PIK3R3: variants seen among roughly 807,000 people sequenced by gnomAD.
The protein encoded by PIK3R3 is phosphatidylinositol 3-kinase regulatory subunit gamma.
Under a neutral mutation model 62.9 loss-of-function variants are expected in PIK3R3, and 64 were observed. That is an observed-to-expected ratio of 1.02 (90% confidence interval 0.83 to 1.25). The LOEUF (loss-of-function observed/expected upper bound fraction) is 1.25. PIK3R3 is among the 50% of genes most tolerant of loss of function. The pLI, the probability that PIK3R3 is intolerant of heterozygous loss-of-function variation, is 0.00. For synonymous variants in PIK3R3, 165 were observed against 189.0 expected, an observed-to-expected ratio of 0.87 and a Z score of 1.04; for missense variants, 614 against 561.6, an observed-to-expected ratio of 1.09 and a Z score of -0.94.
chr1:46,089,344 C>T (rs1484658603), intron 1 of PIK3R3, among the ~76,000 whole-genome samples: 1 of 152,084 alleles, frequency 6.6e-6, no homozygotes, highest in Non-Finnish European at 1.5e-5. Flanking sequence ...TGATGTTTAA[C>T]CATACTGTGA....
the PIK3R3 span, among the ~76,000 whole-genome samples, chr1:46,166,396 T>C: frequency 5.3e-5 from 8 of 151,934 alleles, no homozygotes; most frequent in Non-Finnish European, 4.4e-5. Flanking sequence ...CTAATTTTTG[T>C]ATTTTTAGTA....
At position 46,092,415 on chromosome 1, in the gene PIK3R3, G is replaced by A. The variant is rs1651722213; in HGVS notation, c.107-11665C>T. Among the ~76,000 whole-genome samples, 4 of 152,210 alleles carry A rather than the reference G, an allele frequency of 2.6e-5. No individual in the cohort carries two copies. The South Asian group carries it at 8.3e-4, about 32-fold the overall frequency. ...GTCTCGCTCTGTCGCCCAGGCTGGA[G>A]TGCAGTGGTGCTATCTCGACTCACT... is the stretch of plus-strand genomic sequence containing the variant. On this transcript the variant is annotated intron_variant, in intron 1 of 9. Coordinates refer to ENST00000262741, the MANE Select transcript of PIK3R3 (RefSeq NM_003629.4).
Position 46,044,039 on chromosome 1 carries a change from C to A in PIK3R3, c.1188-168G>T, listed in dbSNP as rs942404068. ...TTCCCTACAGACTTGGCCACAGATACGGGTGTTAAAACAACCACAAATGTA... is the reference window on the plus strand; with the variant it reads ...TTCCCTACAGACTTGGCCACAGATAAGGGTGTTAAAACAACCACAAATGTA... On this transcript the variant is annotated intron_variant, in intron 9 of 9. Coordinates refer to ENST00000262741, the MANE Select transcript of PIK3R3 (RefSeq NM_003629.4). This position sits in a 1 kb window ranked among gnomAD's most constrained non-coding sequence, Gnocchi z 4.2. Among the ~76,000 whole-genome samples, 1 of 151,908 alleles carries A rather than the reference C, an allele frequency of 6.6e-6. No individual in the cohort carries two copies. Among genetic ancestry groups the A allele is most frequent in the East Asian group, 1.9e-4 (1 of 5,188 alleles).
chr1:46,055,873 T>C lies in PIK3R3; in HGVS notation c.863A>G (p.Asn288Ser), dbSNP rs1412350766. 2 of 1,611,570 alleles carry C rather than the reference T, an allele frequency of 1.2e-6. No individual in the cohort carries two copies. The highest frequency in any genetic ancestry group is 3.4e-5 in the Admixed American group (2 of 59,674). ...EQDLKNQALD[N>S]REIDKKMNSI... ...ATTCATTTTTTTATCTATTTCTCGG[T>C]TGTCCAAAGCTTGATTCTTCAAATC... The change falls in exon 7 of 10, where the codon AAC becomes AGC. Residue 288 changes from asparagine (N) to serine (S), a missense_variant. By Grantham distance (46) the Asn-to-Ser change is conservative. Transcript: ENST00000262741.
chr1:46,126,500 T>C (rs1437160137), intron 1 of PIK3R3, among the ~76,000 whole-genome samples: 2 of 149,772 alleles, frequency 1.3e-5, no homozygotes, highest in Admixed American at 6.7e-5. Flanking sequence ...ATCACGCCAC[T>C]GCACTCCACT....
At chr1:46,148,615 A>G in the PIK3R3 span, among the ~76,000 whole-genome samples, 8 of 152,180 alleles carry the variant, frequency 5.3e-5, no homozygotes, top group Non-Finnish European at 1.2e-4. Context: ...AGCAGAGTGC[A>G]GGGATCAGTT....
At chr1:46,141,149 TG>T in the PIK3R3 span, among the ~76,000 whole-genome samples, 9 of 146,684 alleles carry the variant, frequency 6.1e-5, no homozygotes, top group African/African-American at 2.3e-4. Context: ...CGTGAGCCAC[TG>T]CACCTGGCCG....
intron 6 of PIK3R3, among the ~76,000 whole-genome samples, chr1:46,059,343 T>G (rs768352520): frequency 2.2e-4 from 33 of 152,246 alleles, no homozygotes; most frequent in Non-Finnish European, 2.9e-5. Context: ...TGGGTTTTTC[T>G]GTTAATTAAA....
chr1:46,111,433 G>A (rs940031131), intron 1 of PIK3R3, among the ~76,000 whole-genome samples: 1 of 151,932 alleles, frequency 6.6e-6, no homozygotes, highest in Non-Finnish European at 1.5e-5. Context: ...AATTAGAAAA[G>A]GGCATGTTTT....
intron 1 of PIK3R3, among the ~76,000 whole-genome samples, chr1:46,129,942 AT>A (rs1237800485): frequency 6.6e-6 from 1 of 152,188 alleles, no homozygotes; most frequent in Non-Finnish European, 1.5e-5. Flanking sequence ...TTAAACTCAA[AT>A]GTTTATTTCC....
chr1:46,069,916 A>G (rs965131081), intron 3 of PIK3R3, among the ~76,000 whole-genome samples: 5 of 152,220 alleles, frequency 3.3e-5, no homozygotes, highest in African/African-American at 7.2e-5. Flanking sequence ...ACCAAGTCCA[A>G]TGATAATTAG....
intron 3 of PIK3R3, among the ~76,000 whole-genome samples, chr1:46,071,547 T>C (rs1200549679): frequency 6.7e-6 from 1 of 150,176 alleles, no homozygotes; most frequent in Non-Finnish European, 1.5e-5. Context: ...AATACAAAAA[T>C]TAGCTGGGCG....
chr1:46,074,848 C>G (rs1261797302), intron 3 of PIK3R3, among the ~76,000 whole-genome samples: 1 of 152,172 alleles, frequency 6.6e-6, no homozygotes, highest in East Asian at 1.9e-4. Flanking sequence ...ACAGCAGATA[C>G]CTTACAAGGC....
intron 7 of PIK3R3, among the ~76,000 whole-genome samples, chr1:46,048,840 C>A (rs1253619779): frequency 6.6e-6 from 1 of 152,164 alleles, no homozygotes; most frequent in Non-Finnish European, 1.5e-5. Context: ...AAAGACTTAT[C>A]TAGTTCTGAG....
Position 46,055,820 on chromosome 1 carries a change from G to GCC in PIK3R3, c.915_916insGG (p.Arg306GlyfsTer17). On this transcript the variant is annotated frameshift_variant, in exon 7 of 10. Coordinates refer to ENST00000262741, the MANE Select transcript of PIK3R3 (RefSeq NM_003629.4). LOFTEE classifies it high-confidence loss of function. ...ACAAGGTGTTGATCTCGGATCTTTC[G>GCC]CAGCTGGATCAGGTCAGGTTTGATG... 2 of 1,476,272 alleles carry GCC rather than the reference G, an allele frequency of 1.4e-6. No homozygotes were observed. The highest frequency in any genetic ancestry group is 2.6e-5 in the East Asian group (1 of 39,074). 91.4% of individuals were successfully genotyped at this position (1,476,272 alleles called of 1,614,324 possible).
At chr1:46,130,537 T>A (rs1216303508) in intron 1 of PIK3R3, among the ~76,000 whole-genome samples, 3 of 151,692 alleles carry the variant, frequency 2.0e-5, no homozygotes, top group Non-Finnish European at 4.4e-5. Context: ...TAGTTTTTAG[T>A]ACAGCACCAT....
At chr1:46,161,657 C>T in the PIK3R3 span, among the ~76,000 whole-genome samples, 1 of 151,948 alleles carries the variant, frequency 6.6e-6, no homozygotes, top group African/African-American at 2.4e-5. Context: ...ATCACTGGAG[C>T]CCAGGAGTTT....
rs1301920395 is a variant in PIK3R3, at chr1:46,092,974, A to C, written c.107-12224T>G. Among the ~76,000 whole-genome samples, 3 of 152,226 alleles carry C rather than the reference A, an allele frequency of 2.0e-5. No individual in the cohort carries two copies. In the East Asian group the frequency reaches 5.8e-4, roughly 29 times the overall value. On this transcript the variant is annotated intron_variant, in intron 1 of 9. Coordinates refer to ENST00000262741, the MANE Select transcript of PIK3R3 (RefSeq NM_003629.4). ...AGAGGGAAAAAGTTACATCATCTTC[A>C]ATTGGTTTCACCAGTAATGGTCTCC...
rs1019086974 is a variant in PIK3R3, at chr1:46,131,835, T to C, written c.106+12A>G. 13 of 1,608,330 alleles carry C rather than the reference T, an allele frequency of 8.1e-6. No individual in the cohort carries two copies. The highest frequency in any genetic ancestry group is 6.7e-5 in the Admixed American group (4 of 59,938). On this transcript the variant is annotated intron_variant, in intron 1 of 9. Coordinates refer to ENST00000262741, the MANE Select transcript of PIK3R3 (RefSeq NM_003629.4). ...CCCATCACGAGATTCTTTTTTTTTTTCTCCCAAGTACCTGGAGGATCCATT... is the reference window on the plus strand; with the variant it reads ...CCCATCACGAGATTCTTTTTTTTTTCCTCCCAAGTACCTGGAGGATCCATT...
Sources: gnomAD v4.1 joint callset for allele counts (sites outside exome capture counted in the v4.1 genomes callset) on GRCh38, gnomAD v4.1.1 for gene constraint, Gnocchi (gnomAD v3.1) non-coding constraint, MANE v1.5 for transcripts, NCBI Gene and HGNC (gene_info 2026-07-23, HGNC 2026-07-21) for gene names.